Variants in CUL2 observed in about 807,000 individuals in gnomAD.
CUL2 encodes the protein cullin-2.
CUL2 carries 22 observed loss-of-function variants against 110.2 expected under a neutral mutation model. That is an observed-to-expected ratio of 0.20 (90% CI 0.14 to 0.28). CUL2 has a LOEUF of 0.28. Ranked by LOEUF, CUL2 falls within the 10% of genes least tolerant of loss-of-function variation. The probability of loss-of-function intolerance (pLI) is 1.00; values close to 1 mark genes in which losing one functional copy is unlikely to be tolerated. For missense variants in CUL2, 631 were observed against 905.5 expected (o/e 0.70, Z 3.89); for synonymous variants, 279 against 293.2 (o/e 0.95, Z 0.49).
chr10:35,029,377 A>G (rs916343676), intron 15 of CUL2, 111 bp downstream of exon 15: 8 of 763,052 alleles, frequency 1.0e-5, no homozygotes, highest in Non-Finnish European at 1.5e-5. Flanking sequence ...GGACTTTAGA[A>G]GCCACAATCT....
chr10:35,059,593 T>A (rs1211659123), intron 4 of CUL2, among the ~76,000 whole-genome samples: 1 of 152,246 alleles, frequency 6.6e-6, no homozygotes, highest in Non-Finnish European at 1.5e-5. Flanking sequence ...CTTGTGTGAC[T>A]TGTCTTACTG....
intron 1 of CUL2, chr10:35,073,934 C>A: frequency 1.5e-6 from 1 of 666,996 alleles, no homozygotes; most frequent in Non-Finnish European, 2.7e-6. Context: ...AATAAGAAAA[C>A]TGAGTCACAA....
chr10:35,040,315 T>G (rs1308466631), intron 8 of CUL2, among the ~76,000 whole-genome samples: 1 of 152,024 alleles, frequency 6.6e-6, no homozygotes, highest in African/African-American at 2.4e-5. Context: ...ATAAGGAAAA[T>G]AACCAAAGAA....
At chr10:35,026,223 G>A (rs1252916436) in intron 16 of CUL2, among the ~76,000 whole-genome samples, 2 of 152,154 alleles carry the variant, frequency 1.3e-5, no homozygotes, top group Non-Finnish European at 2.9e-5. Flanking sequence ...AGGATGAACA[G>A]GAGATGACTA....
intron 3 of CUL2, 75 bp downstream of exon 3, chr10:35,062,885 C>A: frequency 1.2e-6 from 1 of 863,650 alleles, no homozygotes; most frequent in Non-Finnish European, 1.9e-6. Flanking sequence ...GATAAAAGTT[C>A]TACACTGGAA....
At chr10:35,073,026 G>T (rs986506650) in intron 1 of CUL2, among the ~76,000 whole-genome samples, 1 of 152,124 alleles carries the variant, frequency 6.6e-6, no homozygotes, top group Admixed American at 6.5e-5. Context: ...CACCAGCCAC[G>T]GACTGGGAGA....
At chr10:35,047,976 A>C (rs1037941053) in intron 6 of CUL2, among the ~76,000 whole-genome samples, 5 of 152,102 alleles carry the variant, frequency 3.3e-5, no homozygotes, top group African/African-American at 1.2e-4. Flanking sequence ...GAATCCCTAG[A>C]ATTATTATTA....
rs555872533 is a variant in CUL2 at position 35,114,375 on chromosome 10, G to A, written c.-51+12230C>T. On this transcript the variant is annotated intron_variant, in intron 1 of 5. Transcript: ENST00000685421. The stretch of plus-strand genomic sequence containing the variant: ...GCACCGCCCCCAGCTGCATTCAAGT[G>A]TTTTTGTTGTTGTTTTTTGTTTTTT... Among the ~76,000 whole-genome samples the A allele has an allele frequency of 3.3e-5, 5 of 150,468 alleles. No individual in the cohort carries two copies. In the East Asian group the frequency reaches 6.0e-4, roughly 18 times the overall value.
intron 1 of CUL2, among the ~76,000 whole-genome samples, chr10:35,125,563 C>G (rs2087756032): frequency 1.3e-5 from 2 of 152,216 alleles, no homozygotes; most frequent in South Asian, 4.1e-4. Flanking sequence ...CACTCTGACA[C>G]TACAGTAACT....
intron 1 of CUL2, among the ~76,000 whole-genome samples, chr10:35,077,374 T>C (rs1473815401): frequency 6.7e-6 from 1 of 149,516 alleles, no homozygotes; most frequent in Non-Finnish European, 1.5e-5. Flanking sequence ...GGTGGCTGCC[T>C]ATAATCCCAG....
intron 4 of CUL2, among the ~76,000 whole-genome samples, chr10:35,057,399 G>A (rs375706384): frequency 2.0e-5 from 3 of 152,296 alleles, no homozygotes; most frequent in African/African-American, 7.2e-5. Context: ...GCTCATGTCT[G>A]TAATCCTGGC....
intron 1 of CUL2, among the ~76,000 whole-genome samples, chr10:35,075,006 A>T (rs2086778646): frequency 6.6e-6 from 1 of 152,170 alleles, no homozygotes; most frequent in South Asian, 2.1e-4. Context: ...TATAAAATGG[A>T]ATCATATTAT....
In CUL2 at chr10:35,089,360, AGTCAGT is replaced by A. The variant is rs529629422; in HGVS notation, c.-23+813_-23+818del. Among the ~76,000 whole-genome samples the A allele has an allele frequency of 4.9e-4, 74 of 152,358 alleles. No homozygotes were observed. The South Asian group carries it at 0.015, about 32-fold the overall frequency. On this transcript the variant is annotated intron_variant, in intron 1 of 20. Transcript: ENST00000374749. ...GAATGTTTTTAAGCGATTATTATGTAGTCAGTTGTCAATCAGATCAAAGTGATTATT... is the reference window on the plus strand; with the variant it reads ...GAATGTTTTTAAGCGATTATTATGTATGTCAATCAGATCAAAGTGATTATT...
At chr10:35,091,228 C>G (rs2087198709), upstream of CUL2, among the ~76,000 whole-genome samples, 1 of 152,150 alleles carries the variant, frequency 6.6e-6, no homozygotes, top group South Asian at 2.1e-4. Context: ...TTTTGCCTTT[C>G]ATATCCTCAA....
intron 8 of CUL2, among the ~76,000 whole-genome samples, chr10:35,039,798 C>T (rs1287247114): frequency 5.9e-5 from 9 of 152,034 alleles, no homozygotes; most frequent in African/African-American, 7.2e-5. Context: ...GGGGTTGTAA[C>T]GAGCCAAGAT....
intron 9 of CUL2, among the ~76,000 whole-genome samples, chr10:35,036,215 G>A (rs138329813): frequency 1.5e-3 from 224 of 152,252 alleles, no homozygotes; most frequent in Non-Finnish European, 2.7e-3. Flanking sequence ...CAATTCTTTC[G>A]TGTCTGGCTT....
At chr10:35,054,932 A>G (rs1039357138) in intron 4 of CUL2, among the ~76,000 whole-genome samples, 1 of 152,180 alleles carries the variant, frequency 6.6e-6, no homozygotes, top group Admixed American at 6.6e-5. Flanking sequence ...AAGAAATGCA[A>G]TTTTTCATTT....
intron 1 of CUL2, among the ~76,000 whole-genome samples, chr10:35,072,025 T>C (rs2086694368): frequency 6.6e-6 from 1 of 152,184 alleles, no homozygotes; most frequent in South Asian, 2.1e-4. Context: ...CCGAAAGGTT[T>C]TGGCCCCAAA....
intron 1 of CUL2, among the ~76,000 whole-genome samples, chr10:35,088,897 T>A (rs1477942374): frequency 6.6e-6 from 1 of 152,164 alleles, no homozygotes; most frequent in African/African-American, 2.4e-5. Context: ...CACTGTGGGC[T>A]GGGCGCAGTA....
Sources: gnomAD v4.1 joint callset for allele counts (sites outside exome capture counted in the v4.1 genomes callset) on GRCh38, gnomAD v4.1.1 for gene constraint, MANE v1.5 for transcripts, NCBI Gene and HGNC (gene_info 2026-07-23, HGNC 2026-07-21) for gene names.